CES5A: variants seen among roughly 807,000 people sequenced by gnomAD.
The protein encoded by CES5A is carboxylesterase 5.
A neutral mutation model predicts 62.9 loss-of-function variants in CES5A; 67 were observed. That is an observed-to-expected ratio of 1.07 (90% CI 0.88 to 1.31). The LOEUF is 1.31. Among genes scored for constraint, CES5A ranks in the 50% most tolerant of loss-of-function variants. CES5A has a pLI of 0.00. For missense variants in CES5A, 748 were observed against 708.5 expected (o/e 1.06, Z -0.63); for synonymous variants, 296 against 280.8 (o/e 1.05, Z -0.54).
chr16:55,912,703 C>A (rs979940949), intron 1 of CES5A, among the ~76,000 whole-genome samples: 3 of 152,094 alleles, frequency 2.0e-5, no homozygotes, highest in South Asian at 2.1e-4. Context: ...ACAGCAAATC[C>A]TCTACTTTGG....
rs566272051 is a variant in CES5A at position 55,881,412 on chromosome 16, C to T, written c.-255-7375G>A. ...GAGGTTGGTCTTGAGGGTGGTAAGC[C>T]TGAGGGGTGGAGCAGAAGGTAATAC... On this transcript the variant is annotated intron_variant, in intron 1 of 12. Transcript: ENST00000518005. Among the ~76,000 whole-genome samples, 18 of 152,204 alleles carry T rather than the reference C, an allele frequency of 1.2e-4. No homozygotes were observed. The East Asian group carries it at 3.3e-3, about 28-fold the overall frequency.
rs1467496096 is a variant in CES5A, at chr16:55,852,957, G to A, written c.1197C>T (p.Ile399=). 5.1e-5 allele frequency: 83 copies of A among 1,614,050 alleles called. No individual in the cohort carries two copies. The highest frequency in any genetic ancestry group is 6.3e-5 in the Non-Finnish European group (74 of 1,180,026). ...CAAGCAAGTCCAGAAGACTGTCTCG[G>A]ATTTCAGTCAGGGAGTGCTTGTCAT... is the stretch of plus-strand genomic sequence containing the variant. The part of the protein sequence containing the change: ...YFHDKHSLTE[I]RDSLLDLLGD... Residue 399 remains isoleucine, a synonymous_variant, in exon 10 of 13, where the codon ATC becomes ATT. Coordinates refer to ENST00000290567, the MANE Select transcript of CES5A (RefSeq NM_001143685.2).
chr16:55,904,359 G>T (rs966458874), intron 1 of CES5A, among the ~76,000 whole-genome samples: 3 of 152,190 alleles, frequency 2.0e-5, no homozygotes, highest in Non-Finnish European at 4.4e-5. Context: ...GTACCAGGAT[G>T]GGGGCAGAAC....
At chr16:55,931,905 T>C (rs987728779) in intron 2 of CES5A, among the ~76,000 whole-genome samples, 1 of 152,166 alleles carries the variant, frequency 6.6e-6, no homozygotes, top group Non-Finnish European at 1.5e-5. Flanking sequence ...TGGGCTGCCA[T>C]GGAGTTAATG....
chr16:55,944,524 A>AG (rs539128673), intron 2 of CES5A: 76 of 158,582 alleles, frequency 4.8e-4, no homozygotes, highest in African/African-American at 1.4e-3. Flanking sequence ...TGGGAGAGCC[A>AG]GGGGGCCGTC....
Position 55,875,320 on chromosome 16 carries a change from G to A in CES5A, c.-99C>T, listed in dbSNP as rs78922569. The stretch of plus-strand genomic sequence containing the variant: ...AAGAGCTTCCTGTTAACAGGCAAAT[G>A]CTGAATAGGCAGGCAGAGGCAGCAG... On this transcript the variant is annotated 5_prime_UTR_variant, in exon 1 of 13. Coordinates refer to ENST00000290567, the MANE Select transcript of CES5A (RefSeq NM_001143685.2). 3,491 of 1,544,506 alleles carry A rather than the reference G, an allele frequency of 2.3e-3. 99 individuals carry two copies. The East Asian group carries it at 0.061, about 27-fold the overall frequency.
At chr16:55,931,778 C>T (rs2142469671) in intron 2 of CES5A, among the ~76,000 whole-genome samples, 1 of 152,318 alleles carries the variant, frequency 6.6e-6, no homozygotes, top group Non-Finnish European at 1.5e-5. Context: ...TGGCCTCTCA[C>T]TACTCAACCA....
intron 1 of CES5A, among the ~76,000 whole-genome samples, chr16:55,919,912 G>C (rs1394638819): frequency 6.6e-6 from 1 of 152,154 alleles, no homozygotes; most frequent in Non-Finnish European, 1.5e-5. Context: ...GGCAGCTATA[G>C]TTATTATCCC....
At chr16:55,857,910 G>A (rs543651322) in intron 8 of CES5A, among the ~76,000 whole-genome samples, 2 of 145,616 alleles carry the variant, frequency 1.4e-5, no homozygotes, top group East Asian at 1.9e-4. Context: ...TAAAGGGAGA[G>A]CCTAGGCTGG....
Position 55,873,879 on chromosome 16 carries a change from C to A in CES5A, c.232G>T (p.Ala78Ser), listed in dbSNP as rs769453143. The stretch of plus-strand genomic sequence containing the variant: ...TCTCGCAAGTTATCCCAGGGCGATG[C>A]AGGCTGCGGGTTCGTAAATCGCAGG... ...GSLRFTNPQP[A>S]SPWDNLREAT... The change falls in exon 2 of 13, where the codon GCA becomes TCA. Residue 78 changes from alanine (A) to serine (S), a missense_variant. Physicochemically the swap from Ala to Ser is moderately conservative, Grantham distance 99. Transcript: ENST00000290567. 5 of 1,613,566 alleles carry A rather than the reference C, an allele frequency of 3.1e-6. No homozygotes were observed. The African/African-American group carries it at 6.7e-5, about 22-fold the overall frequency.
At chr16:55,941,921 A>C (rs1347642703) in intron 2 of CES5A, among the ~76,000 whole-genome samples, 1 of 152,172 alleles carries the variant, frequency 6.6e-6, no homozygotes, top group African/African-American at 2.4e-5. Context: ...TTTTAAAATA[A>C]AATTTCTTTT....
intron 2 of CES5A, chr16:55,944,030 G>A (rs1467825925): frequency 2.8e-6 from 2 of 702,014 alleles, no homozygotes; most frequent in Non-Finnish European, 5.2e-6. Flanking sequence ...GCAAGTCATT[G>A]AGGTGAAGGG....
At chr16:55,862,968 G>C (rs1340139230) in intron 6 of CES5A, among the ~76,000 whole-genome samples, 1 of 152,154 alleles carries the variant, frequency 6.6e-6, no homozygotes, top group Non-Finnish European at 1.5e-5. Flanking sequence ...ATTTCCCACT[G>C]AGCTGGAAAC....
intron 5 of CES5A, among the ~76,000 whole-genome samples, chr16:55,865,074 C>T (rs2033428857): frequency 6.6e-6 from 1 of 152,118 alleles, no homozygotes; most frequent in Non-Finnish European, 1.5e-5. Flanking sequence ...GGCATGGTGG[C>T]ACATGCCTGT....
At chr16:55,903,470 G>A (rs1349216512) in intron 1 of CES5A, among the ~76,000 whole-genome samples, 1 of 152,196 alleles carries the variant, frequency 6.6e-6, no homozygotes, top group African/African-American at 2.4e-5. Context: ...CTGCCATTAT[G>A]AGTATTTTTG....
chr16:55,883,454 T>A (rs2033782302), intron 1 of CES5A, among the ~76,000 whole-genome samples: 1 of 152,024 alleles, frequency 6.6e-6, no homozygotes, highest in African/African-American at 2.4e-5. Context: ...GTATTTTTTT[T>A]AACAGAGACA....
chr16:55,896,816 A>G (rs1290565130), intron 1 of CES5A, among the ~76,000 whole-genome samples: 3 of 152,344 alleles, frequency 2.0e-5, no homozygotes, highest in Admixed American at 2.0e-4. Context: ...CCTCATTTTA[A>G]ATATCACAAA....
intron 1 of CES5A, among the ~76,000 whole-genome samples, chr16:55,899,795 A>G (rs186138546): frequency 6.6e-6 from 1 of 152,262 alleles, no homozygotes; most frequent in African/African-American, 2.4e-5. Flanking sequence ...GCCTCCCACT[A>G]TTAACTGGCC....
In CES5A at chr16:55,905,126, C is replaced by T. The variant is rs1180588050; in HGVS notation, c.-256+20197G>A. On this transcript the variant is annotated intron_variant, in intron 1 of 12. Transcript: ENST00000518005. ...CCAAACAGGTTGCTAAATGTGCCAG[C>T]AGCCCAGGGCAAGAAGTTCTTCTCC... is the stretch of plus-strand genomic sequence containing the variant. 3.3e-5 allele frequency among the ~76,000 whole-genome samples: 5 copies of T among 152,180 alleles called. No homozygotes were observed. In the East Asian group the frequency reaches 7.7e-4, roughly 23 times the overall value.
Sources: allele counts gnomAD v4.1 joint callset (sites outside exome capture counted in the v4.1 genomes callset), GRCh38; gene constraint gnomAD v4.1.1; transcripts MANE v1.5; gene names NCBI Gene and HGNC (gene_info 2026-07-23, HGNC 2026-07-21).